MCPH1: variants seen among roughly 807,000 people sequenced by gnomAD.
MCPH1 encodes microcephalin 1, also known as microcephalin.
MCPH1 carries 104 observed loss-of-function variants against 84.5 expected under a neutral mutation model. The ratio of observed to expected loss-of-function variants is 1.23; its 90% CI spans 1.05 to 1.45. The LOEUF is 1.45. Ranked by LOEUF, MCPH1 falls within the 40% of genes most tolerant of loss-of-function variation. The pLI, the probability that MCPH1 is intolerant of heterozygous loss-of-function variation, is 0.00. For synonymous variants in MCPH1, 514 were observed against 366.8 expected (o/e 1.40, Z -4.58); for missense variants, 1,498 against 1,005.7 (o/e 1.49, Z -6.62).
chr8:6,408,231 G>T (rs1470819527), intron 1 of MCPH1, among the ~76,000 whole-genome samples: 2 of 152,214 alleles, frequency 1.3e-5, no homozygotes, highest in Non-Finnish European at 2.9e-5. Flanking sequence ...AAGGCTTTCA[G>T]TAGAAATTTA....
Position 6,647,281 on chromosome 8 carries a change from C to T in MCPH1, c.*4232C>T, listed in dbSNP as rs978077091. The T allele has an allele frequency of 6.6e-6, 1 of 152,210 alleles. No homozygotes were observed. The highest frequency in any genetic ancestry group is 1.9e-4 in the East Asian group (1 of 5,204). 9.4% of individuals were successfully genotyped at this position (152,210 alleles called of 1,614,324 possible). A position where few individuals can be genotyped will look rare whatever the true frequency, so the allele number is the denominator to read the frequency against. ...ACAACAAGACTGATAATTCCAACATCTGACCAAGATATGGAGAAACTAGAA... is the reference window on the plus strand; with the variant it reads ...ACAACAAGACTGATAATTCCAACATTTGACCAAGATATGGAGAAACTAGAA... On this transcript the variant is annotated 3_prime_UTR_variant, in exon 14 of 14. Coordinates refer to ENST00000344683, the MANE Select transcript of MCPH1 (RefSeq NM_024596.5).
At chr8:6,481,563 C>A (rs921380264) in intron 11 of MCPH1, among the ~76,000 whole-genome samples, 1 of 152,098 alleles carries the variant, frequency 6.6e-6, no homozygotes, top group Non-Finnish European at 1.5e-5. Context: ...ATCCGTCTTC[C>A]CTCCTCCTCT....
chr8:6,464,268 G>C (rs1037479477), intron 9 of MCPH1, among the ~76,000 whole-genome samples: 2 of 152,140 alleles, frequency 1.3e-5, no homozygotes, highest in Non-Finnish European at 2.9e-5. Flanking sequence ...GCAGTGGCGG[G>C]GATGTGCTCG....
intron 11 of MCPH1, among the ~76,000 whole-genome samples, chr8:6,486,923 T>G (rs1261895567): frequency 6.6e-6 from 1 of 152,234 alleles, no homozygotes; most frequent in Non-Finnish European, 1.5e-5. Flanking sequence ...TCCTGCACTT[T>G]CCTGTGACTT....
chr8:6,528,628 G>A (rs1374751913), intron 12 of MCPH1, among the ~76,000 whole-genome samples: 1 of 152,266 alleles, frequency 6.6e-6, no homozygotes, highest in African/African-American at 2.4e-5. Flanking sequence ...CATGAGCAGT[G>A]CGGCTCTCCC....
At chr8:6,545,042 T>C (rs1222806582) in intron 12 of MCPH1, among the ~76,000 whole-genome samples, 1 of 152,152 alleles carries the variant, frequency 6.6e-6, no homozygotes, top group Non-Finnish European at 1.5e-5. Flanking sequence ...GTCAAATGAA[T>C]GCCATCACAG....
chr8:6,455,373 A>T (rs1232058309), intron 9 of MCPH1, 121 bp downstream of exon 9: 20 of 738,158 alleles, frequency 2.7e-5, no homozygotes, highest in Non-Finnish European at 4.2e-5. Context: ...AAAATTGATT[A>T]TGGGTAAATG....
At chr8:6,499,148 C>G (rs1811672927) in intron 11 of MCPH1, among the ~76,000 whole-genome samples, 3 of 151,992 alleles carry the variant, frequency 2.0e-5, no homozygotes, top group Admixed American at 6.6e-5. Context: ...TAGCTCTAAA[C>G]TTCTGGTGTA....
chr8:6,458,760 C>G (rs1479556879), intron 9 of MCPH1, among the ~76,000 whole-genome samples: 1 of 151,946 alleles, frequency 6.6e-6, no homozygotes, highest in Non-Finnish European at 1.5e-5. Context: ...TTCTCCTGCC[C>G]CAGCCTCCTT....
chr8:6,458,269 A>G (rs1359617174), intron 9 of MCPH1, among the ~76,000 whole-genome samples: 4 of 152,182 alleles, frequency 2.6e-5, no homozygotes, highest in East Asian at 1.9e-4. Flanking sequence ...TCAGGAGATC[A>G]AGACCATCCT....
intron 13 of MCPH1, among the ~76,000 whole-genome samples, chr8:6,640,311 A>C (rs1382435264): frequency 1.3e-5 from 2 of 152,140 alleles, no homozygotes; most frequent in Non-Finnish European, 2.9e-5. Context: ...AATTTACACT[A>C]TTACTAACGG....
At position 6,444,952 on chromosome 8, in the gene MCPH1, T is replaced by C; in HGVS notation, c.1230T>C (p.Ser410=). The change falls in exon 8 of 14, where the codon TCT becomes TCC. Residue 410 remains serine (S), a synonymous_variant. Coordinates refer to ENST00000344683, the MANE Select transcript of MCPH1 (RefSeq NM_024596.5). ...PALEALSCGE[S]SYDDYFSPDN... Reference sequence around the variant, plus strand: ...TGGAGGCTCTTAGCTGTGGGGAGTCTTCATATGATGACTATTTTTCACCTG... The same window carrying C: ...TGGAGGCTCTTAGCTGTGGGGAGTCCTCATATGATGACTATTTTTCACCTG... 1 of 1,614,142 alleles carries C rather than the reference T, an allele frequency of 6.2e-7. No individual in the cohort carries two copies. Among genetic ancestry groups the C allele is most frequent in the Non-Finnish European group, 8.5e-7 (1 of 1,179,966 alleles).
chr8:6,414,645 G>T lies in MCPH1; in HGVS notation c.115-120G>T, dbSNP rs141515777. The T allele has an allele frequency of 1.1e-5, 11 of 1,046,230 alleles. No individual in the cohort carries two copies. The African/African-American group carries it at 1.6e-4, about 15-fold the overall frequency. The allele number at this position is 1,046,230 out of a possible 1,614,324, so 64.8% of individuals were successfully genotyped here. On this transcript the variant is annotated intron_variant, in intron 2 of 13. Coordinates refer to ENST00000344683, the MANE Select transcript of MCPH1 (RefSeq NM_024596.5). ...TTTAAGCAGCGTTATGCATTCCTTT[G>T]AGTGTTTCTCTGTCAGATGTTGAGA...
chr8:6,534,396 G>C (rs1820129860), intron 12 of MCPH1, among the ~76,000 whole-genome samples: 1 of 152,140 alleles, frequency 6.6e-6, no homozygotes. Context: ...GAGCACCGTG[G>C]ATTTTGGTAT....
chr8:6,576,723 T>TTTTG (rs1563148352), intron 12 of MCPH1, among the ~76,000 whole-genome samples: 10 of 101,302 alleles, frequency 9.9e-5, no homozygotes, highest in African/African-American at 3.6e-4. Flanking sequence ...TTTTTTTTTT[T>TTTTG]TTTTAGTAGA....
chr8:6,464,780 C>G (rs1282018626), intron 9 of MCPH1, among the ~76,000 whole-genome samples: 2 of 152,176 alleles, frequency 1.3e-5, no homozygotes, highest in Admixed American at 6.5e-5. Context: ...GGTGGATCAC[C>G]TGAGGTCAGG....
intron 12 of MCPH1, among the ~76,000 whole-genome samples, chr8:6,533,858 T>C (rs1208765129): frequency 1.3e-5 from 2 of 152,212 alleles, no homozygotes; most frequent in Non-Finnish European, 2.9e-5. Context: ...GCTTTCTGTC[T>C]TTAAGAGTAG....
At chr8:6,621,416 G>C in intron 12 of MCPH1, 38 bp from the exon 13 acceptor site, 1 of 1,611,864 alleles carries the variant, frequency 6.2e-7, no homozygotes, top group South Asian at 1.1e-5. Context: ...GACTGGAGTG[G>C]TCCCACCTCT....
In MCPH1 at chr8:6,445,446, A is replaced by G. The variant is rs1265909868; in HGVS notation, c.1724A>G (p.Glu575Gly). Reference sequence around the variant, plus strand: ...ACTTCCAAAATATCAAACTCCTCTGAAGGCGAAGCCCAGAGTGAACATGAG... The same window carrying G: ...ACTTCCAAAATATCAAACTCCTCTGGAGGCGAAGCCCAGAGTGAACATGAG... ...GTTSKISNSSEGEAQSEHEPC... is the reference protein window; with the variant it reads ...GTTSKISNSSGGEAQSEHEPC... The change falls in exon 8 of 14, where the codon GAA becomes GGA. Residue 575 changes from glutamate (E) to glycine (G), a missense_variant. Coordinates refer to ENST00000344683, the MANE Select transcript of MCPH1 (RefSeq NM_024596.5). The G allele has an allele frequency of 6.2e-7, 1 of 1,614,138 alleles. No individual in the cohort carries two copies. The highest frequency in any genetic ancestry group is 8.5e-7 in the Non-Finnish European group (1 of 1,180,054).
Sources: allele counts gnomAD v4.1 joint callset (sites outside exome capture counted in the v4.1 genomes callset), GRCh38; gene constraint gnomAD v4.1.1; transcripts MANE v1.5; gene names NCBI Gene and HGNC (gene_info 2026-07-23, HGNC 2026-07-21).